Variants in ARB2A observed in about 807,000 individuals in gnomAD.
ARB2A encodes cotranscriptional regulator ARB2A.
chr5:93,764,706 T>C, the ARB2A span, among the ~76,000 whole-genome samples: 2 of 152,290 alleles, frequency 1.3e-5, no homozygotes, highest in South Asian at 4.1e-4. Flanking sequence ...GAGGCCAGCA[T>C]CATCCTGATA....
the ARB2A span, among the ~76,000 whole-genome samples, chr5:93,806,276 T>C: frequency 1.3e-5 from 2 of 151,966 alleles, no homozygotes; most frequent in African/African-American, 4.8e-5. Context: ...GCCTTTTTCA[T>C]TGGTATTTTC....
the ARB2A span, among the ~76,000 whole-genome samples, chr5:93,870,062 C>T: frequency 2.0e-5 from 3 of 152,196 alleles, no homozygotes; most frequent in Admixed American, 6.5e-5. Context: ...AGAGAAAAAA[C>T]GGAATGAAAG....
chr5:93,872,405 T>C, the ARB2A span, among the ~76,000 whole-genome samples: 1 of 152,208 alleles, frequency 6.6e-6, no homozygotes, highest in Non-Finnish European at 1.5e-5. Context: ...ACAGTATGTA[T>C]TTGATTCTGA....
chr5:93,937,654 A>G, the ARB2A span, among the ~76,000 whole-genome samples: 1 of 151,890 alleles, frequency 6.6e-6, no homozygotes, highest in African/African-American at 2.4e-5. Flanking sequence ...TCCATGGGGT[A>G]TACATATAAT....
chr5:93,629,673 C>T, the ARB2A span, among the ~76,000 whole-genome samples: 1 of 152,036 alleles, frequency 6.6e-6, no homozygotes, highest in African/African-American at 2.4e-5. Flanking sequence ...ACCCTCTCAC[C>T]CTGCCCCCCA....
At chr5:94,047,141 A>T in the ARB2A span, among the ~76,000 whole-genome samples, 1 of 152,200 alleles carries the variant, frequency 6.6e-6, no homozygotes, top group Admixed American at 6.5e-5. Flanking sequence ...GGAAGAAAAA[A>T]TGTTGGTACT....
chr5:93,915,587 T>C, the ARB2A span, among the ~76,000 whole-genome samples: 5 of 151,916 alleles, frequency 3.3e-5, no homozygotes, highest in African/African-American at 1.2e-4. Context: ...TCATGGATCA[T>C]GAAGAAATGA....
At chr5:93,968,084 A>C in the ARB2A span, among the ~76,000 whole-genome samples, 6 of 152,244 alleles carry the variant, frequency 3.9e-5, no homozygotes, top group Admixed American at 1.3e-4. Context: ...TAGCCAAATA[A>C]ACATAAAATC....
the ARB2A span, among the ~76,000 whole-genome samples, chr5:93,656,786 G>T: frequency 4.6e-5 from 7 of 152,030 alleles, no homozygotes; most frequent in Admixed American, 2.6e-4. Flanking sequence ...TGTAGCTTAG[G>T]CCCTTGCACA....
At chr5:93,965,205 A>G in the ARB2A span, among the ~76,000 whole-genome samples, 2 of 152,016 alleles carry the variant, frequency 1.3e-5, no homozygotes, top group Non-Finnish European at 2.9e-5. Flanking sequence ...AGTGGGTCAG[A>G]GAGATGCAAA....
At chr5:94,014,773 A>AAC in the ARB2A span, among the ~76,000 whole-genome samples, 5 of 151,644 alleles carry the variant, frequency 3.3e-5, no homozygotes, top group Non-Finnish European at 5.9e-5. Flanking sequence ...ATTAGGGGCT[A>AAC]TCAACAGCAA....
the ARB2A span, chr5:93,861,010 A>G: frequency 6.6e-6 from 1 of 152,188 alleles, no homozygotes; most frequent in Non-Finnish European, 1.5e-5. Flanking sequence ...TGTAATGCTT[A>G]TGCTAAAATG....
chr5:94,017,917 T>C, the ARB2A span, among the ~76,000 whole-genome samples: 1 of 152,130 alleles, frequency 6.6e-6, no homozygotes, highest in African/African-American at 2.4e-5. Flanking sequence ...ATGGAGGCCG[T>C]TCTTTTCCAT....
At chr5:93,711,070 A>G in the ARB2A span, among the ~76,000 whole-genome samples, 2 of 152,198 alleles carry the variant, frequency 1.3e-5, no homozygotes, top group South Asian at 4.1e-4. Flanking sequence ...TTACCACTGC[A>G]CATTTTTGAA....
At chr5:93,620,942 CG>C in the ARB2A span, 1 of 1,594,064 alleles carries the variant, frequency 6.3e-7, no homozygotes, top group Non-Finnish European at 8.5e-7. Flanking sequence ...AGGAGGCGTG[CG>C]GGTGGGTGCG....
the ARB2A span, among the ~76,000 whole-genome samples, chr5:93,696,543 C>T: frequency 6.6e-6 from 1 of 152,154 alleles, no homozygotes; most frequent in Admixed American, 6.5e-5. Flanking sequence ...CTTTGCAATC[C>T]TCATCCCTCT....
chr5:93,746,446 T>C, the ARB2A span, among the ~76,000 whole-genome samples: 2 of 152,226 alleles, frequency 1.3e-5, no homozygotes, highest in East Asian at 1.9e-4. Context: ...TATAATGTAG[T>C]AGTGTTGCTA....
At chr5:93,873,329 G>A in the ARB2A span, among the ~76,000 whole-genome samples, 1 of 7,534 alleles carries the variant, frequency 1.3e-4, no homozygotes, top group Non-Finnish European at 2.8e-4. Flanking sequence ...GGAAAGGAAA[G>A]GAAAGGAAAG....
chr5:93,999,218 T>C, the ARB2A span, among the ~76,000 whole-genome samples: 2 of 151,984 alleles, frequency 1.3e-5, no homozygotes, highest in South Asian at 2.1e-4. Context: ...GGTAGCTCAT[T>C]ATACCTTCAG....
Sources: allele counts gnomAD v4.1 joint callset (sites outside exome capture counted in the v4.1 genomes callset), GRCh38; gene constraint gnomAD v4.1.1; transcripts MANE v1.5; gene names NCBI Gene and HGNC (gene_info 2026-07-23, HGNC 2026-07-21).